The following SMOC1 variants were observed in gnomAD, a reference collection of about 807,000 sequenced individuals.
SMOC1 encodes SPARC related modular calcium binding 1.
In SMOC1, 22 loss-of-function variants were observed where a neutral mutation model predicts 56.3. That is an observed-to-expected ratio of 0.39 (90% CI 0.28 to 0.56). The LOEUF (loss-of-function observed/expected upper bound fraction) is 0.56. SMOC1 is among the 20% of genes least tolerant of loss of function. The probability of loss-of-function intolerance (pLI) is 0.61; values close to 1 mark genes in which losing one functional copy is unlikely to be tolerated. For synonymous variants in SMOC1, 193 were observed against 215.0 expected (o/e 0.90, Z 0.89); for missense variants, 509 against 565.4 (o/e 0.90, Z 1.01).
intron 1 of SMOC1, among the ~76,000 whole-genome samples, chr14:69,944,998 T>C (rs1882728500): frequency 6.6e-6 from 1 of 152,244 alleles, no homozygotes; most frequent in Non-Finnish European, 1.5e-5. Context: ...CTTTAATCAC[T>C]ATACATTTGA....
chr14:70,007,646 G>C (rs1885193156), intron 7 of SMOC1, among the ~76,000 whole-genome samples: 1 of 152,208 alleles, frequency 6.6e-6, no homozygotes, highest in Non-Finnish European at 1.5e-5. Flanking sequence ...AGCAAGTCAA[G>C]CCTGACTGTC....
chr14:69,944,129 G>T (rs2139421908), intron 1 of SMOC1, among the ~76,000 whole-genome samples: 1 of 152,304 alleles, frequency 6.6e-6, no homozygotes, highest in South Asian at 2.1e-4. Flanking sequence ...CCAGATCTTG[G>T]TTTCTGCCCT....
intron 7 of SMOC1, among the ~76,000 whole-genome samples, chr14:70,003,005 C>G (rs1247043805): frequency 6.6e-6 from 1 of 152,204 alleles, no homozygotes; most frequent in African/African-American, 2.4e-5. Context: ...AGCCACCCTA[C>G]AGTTCTGGAA....
intron 1 of SMOC1, among the ~76,000 whole-genome samples, chr14:69,932,959 A>G (rs1295637229): frequency 6.6e-6 from 1 of 152,144 alleles, no homozygotes; most frequent in Non-Finnish European, 1.5e-5. Flanking sequence ...TCTTGAAGAC[A>G]TGGAACTCTT....
At chr14:69,944,655 A>G (rs1882713773) in intron 1 of SMOC1, among the ~76,000 whole-genome samples, 5 of 152,192 alleles carry the variant, frequency 3.3e-5, no homozygotes, top group Admixed American at 3.3e-4. Flanking sequence ...CTAGAGTGCT[A>G]ATCACATTGG....
chr14:69,955,012 T>C (rs1047777027), intron 3 of SMOC1, among the ~76,000 whole-genome samples: 3 of 152,196 alleles, frequency 2.0e-5, no homozygotes, highest in African/African-American at 7.2e-5. Flanking sequence ...CCAGGCTTGA[T>C]AGTCACTGGG....
intron 10 of SMOC1, among the ~76,000 whole-genome samples, chr14:70,017,149 G>A (rs540874408): frequency 2.0e-5 from 3 of 152,272 alleles, no homozygotes; most frequent in Non-Finnish European, 2.9e-5. Context: ...TCCCTGTCTC[G>A]ATAAGACCTC....
intron 1 of SMOC1, among the ~76,000 whole-genome samples, chr14:69,950,785 C>T (rs937816071): frequency 6.6e-6 from 1 of 152,154 alleles, no homozygotes; most frequent in Non-Finnish European, 1.5e-5. Flanking sequence ...CAGGGGGTTC[C>T]CTGATATAGG....
chr14:69,994,204 G>A (rs1884679992), intron 6 of SMOC1, 196 bp from the exon 7 acceptor site: 7 of 668,858 alleles, frequency 1.0e-5, no homozygotes, highest in Admixed American at 4.3e-5. Context: ...TGCCCTGATC[G>A]GCTCTTATGA....
At chr14:69,911,200 T>G (rs2139346937) in intron 1 of SMOC1, among the ~76,000 whole-genome samples, 1 of 152,252 alleles carries the variant, frequency 6.6e-6, no homozygotes, top group Non-Finnish European at 1.5e-5. Flanking sequence ...ATCCTCTCTG[T>G]CTACCACTGT....
rs80160240 is a variant in SMOC1 at position 70,013,898 on chromosome 14, G to A, written c.1046+407G>A. Among the ~76,000 whole-genome samples the A allele has an allele frequency of 3.0e-4, 46 of 152,296 alleles. No individual in the cohort carries two copies. The East Asian group carries it at 8.5e-3, about 28-fold the overall frequency. On this transcript the variant is annotated intron_variant, in intron 10 of 11. Coordinates refer to ENST00000361956, the MANE Select transcript of SMOC1 (RefSeq NM_001034852.3). Reference sequence around the variant, plus strand: ...AATTTTCTTCTCTCCTAGAAGGCAGGAACCAAATGCCTTTTTGGCATCCTG... The same window carrying A: ...AATTTTCTTCTCTCCTAGAAGGCAGAAACCAAATGCCTTTTTGGCATCCTG...
At chr14:69,936,102 T>C (rs227399) in intron 1 of SMOC1, among the ~76,000 whole-genome samples, 52,854 of 151,992 alleles carry the variant, frequency 0.35, 11,538 homozygotes, top group African/African-American at 0.62. Context: ...TTTTTGGCCC[T>C]GTGATTTTCA....
intron 7 of SMOC1, among the ~76,000 whole-genome samples, chr14:69,995,160 T>G (rs1390965928): frequency 1.3e-5 from 2 of 152,258 alleles, no homozygotes; most frequent in Non-Finnish European, 2.9e-5. Flanking sequence ...CTGCATAATT[T>G]ATGCCTGGTT....
chr14:69,909,975 C>CCTT lies in SMOC1; in HGVS notation c.99+30199_99+30201dup, dbSNP rs534846418. ...TTTCTTTGCTCACATGTCATTCACT[C>CCTT]CTTTGAACCATGTTTCCTAACCTGG... is the stretch of plus-strand genomic sequence containing the variant. On this transcript the variant is annotated intron_variant, in intron 1 of 11. Transcript: ENST00000361956. Among the ~76,000 whole-genome samples the CCTT allele has an allele frequency of 1.7e-4, 26 of 152,274 alleles. No individual in the cohort carries two copies. The South Asian group carries it at 5.4e-3, about 32-fold the overall frequency.
In SMOC1 at chr14:69,879,588, C is replaced by T; in HGVS notation, c.-91C>T. 1 of 1,035,796 alleles carries T rather than the reference C, an allele frequency of 9.7e-7. No individual in the cohort carries two copies. Among genetic ancestry groups the T allele is most frequent in the Non-Finnish European group, 1.3e-6 (1 of 781,212 alleles). 64.2% of individuals were successfully genotyped at this position (1,035,796 alleles called of 1,614,324 possible). A position where few individuals can be genotyped will look rare whatever the true frequency, so the allele number is the denominator to read the frequency against. ...GGCCCGCTCCCCGCCGCCGCGAGGG[C>T]CCCGAGCGAAGGAAGGAAGGGAGGC... On this transcript the variant is annotated 5_prime_UTR_variant, in exon 1 of 12. Coordinates refer to ENST00000361956, the MANE Select transcript of SMOC1 (RefSeq NM_001034852.3).
chr14:69,992,529 A>G, intron 6 of SMOC1, 56 bp downstream of exon 6: 1 of 1,337,720 alleles, frequency 7.5e-7, no homozygotes, highest in East Asian at 2.3e-5. Flanking sequence ...CAGGTTTGGG[A>G]AAAGTCTTAA....
At chr14:70,006,180 G>A (rs1015896481) in intron 7 of SMOC1, among the ~76,000 whole-genome samples, 1 of 152,180 alleles carries the variant, frequency 6.6e-6, no homozygotes, top group South Asian at 2.1e-4. Context: ...CCACTTCCTA[G>A]TTCTGTGATC....
intron 1 of SMOC1, among the ~76,000 whole-genome samples, chr14:69,881,859 C>G (rs986759057): frequency 1.3e-5 from 2 of 152,146 alleles, no homozygotes; most frequent in African/African-American, 2.4e-5. Flanking sequence ...GAAGTTGGGT[C>G]TTTTAAAAGC....
chr14:69,917,698 T>C (rs1256779744), intron 1 of SMOC1, among the ~76,000 whole-genome samples: 2 of 152,240 alleles, frequency 1.3e-5, no homozygotes, highest in South Asian at 4.1e-4. Context: ...TTCCTCTTTC[T>C]TCACCTTCTT....
Sources: allele counts gnomAD v4.1 joint callset (sites outside exome capture counted in the v4.1 genomes callset), GRCh38; gene constraint gnomAD v4.1.1; transcripts MANE v1.5; gene names NCBI Gene and HGNC (gene_info 2026-07-23, HGNC 2026-07-21).